Variants in MCM5 observed in about 807,000 individuals in gnomAD.
The protein encoded by MCM5 is minichromosome maintenance complex component 5.
A neutral mutation model predicts 79.9 loss-of-function variants in MCM5; 46 were observed. The observed-to-expected ratio is 0.58, with a 90% CI of 0.45 to 0.74. The LOEUF (loss-of-function observed/expected upper bound fraction) is 0.74, where lower values mean the gene tolerates loss of function less well. Ranked by LOEUF, MCM5 falls within the 30% of genes least tolerant of loss-of-function variation. The pLI, the probability that MCM5 is intolerant of heterozygous loss-of-function variation, is 0.00. For missense variants in MCM5, 883 were observed against 1,017.0 expected, an observed-to-expected ratio of 0.87 and a Z score of 1.79; for synonymous variants, 404 against 390.5, an observed-to-expected ratio of 1.03 and a Z score of -0.41.
intron 4 of MCM5, among the ~76,000 whole-genome samples, chr22:35,405,048 G>T (rs1379406223): frequency 7.2e-6 from 1 of 138,858 alleles, no homozygotes; most frequent in Non-Finnish European, 1.5e-5. Flanking sequence ...TTTTGAGATG[G>T]AGTTTTTGCT....
In MCM5 at chr22:35,400,617, G is replaced by C. The variant is rs760331121; in HGVS notation, c.167+12G>C. On this transcript the variant is annotated intron_variant, in intron 2 of 16. Coordinates refer to ENST00000216122, the MANE Select transcript of MCM5 (RefSeq NM_006739.4). ...ACCTTCAAATACAGGTGCGGCTCCT[G>C]CGGGGCCGGGGGCTCGAGTTCCAGT... 4 of 1,589,762 alleles carry C rather than the reference G, an allele frequency of 2.5e-6. No homozygotes were observed. Among genetic ancestry groups the C allele is most frequent in the Non-Finnish European group, 3.4e-6 (4 of 1,166,988 alleles).
chr22:35,425,325 C>G lies in MCM5; in HGVS notation c.*1070C>G, dbSNP rs1355229190. Reference sequence around the variant, plus strand: ...TCAAGCAAAACGTGAATTTGGAAATCTATGGAACATTAGATAAGGTATTTA... The same window carrying G: ...TCAAGCAAAACGTGAATTTGGAAATGTATGGAACATTAGATAAGGTATTTA... On this transcript the variant is annotated 3_prime_UTR_variant, in exon 17 of 17. Transcript: ENST00000216122. The G allele has an allele frequency of 6.6e-6, 1 of 152,180 alleles. No homozygotes were observed. The highest frequency in any genetic ancestry group is 2.4e-5 in the African/African-American group (1 of 41,432). The allele number at this position is 152,180 out of a possible 1,614,324, so 9.4% of individuals were successfully genotyped here.
intron 5 of MCM5, among the ~76,000 whole-genome samples, chr22:35,408,135 C>G (rs1465463260): frequency 6.6e-6 from 1 of 152,118 alleles, no homozygotes; most frequent in Admixed American, 6.6e-5. Context: ...GCAAGAAGAC[C>G]GAGTGTGACC....
chr22:35,419,857 C>T (rs1331223311), intron 13 of MCM5, 27 bp from the exon 14 acceptor site: 1 of 1,588,976 alleles, frequency 6.3e-7, no homozygotes, highest in East Asian at 2.3e-5. Flanking sequence ...CCTGGCCTCA[C>T]ACCAGCCTCT....
chr22:35,430,829 G>A, the MCM5 span, among the ~76,000 whole-genome samples: 2 of 141,610 alleles, frequency 1.4e-5, no homozygotes, highest in Admixed American at 7.2e-5. Context: ...TTTTTCAGTC[G>A]TATTTCCATG....
chr22:35,412,025 G>GC (rs1932397315), intron 7 of MCM5, among the ~76,000 whole-genome samples: 1 of 151,960 alleles, frequency 6.6e-6, no homozygotes, highest in Admixed American at 6.6e-5. Context: ...AGGAACTCTG[G>GC]CCAGCTCCAC....
rs1601763357 is a variant in MCM5, at chr22:35,421,472, C to A, written c.1975+12C>A. On this transcript the variant is annotated intron_variant, in intron 15 of 16. Coordinates refer to ENST00000216122, the MANE Select transcript of MCM5 (RefSeq NM_006739.4). The stretch of plus-strand genomic sequence containing the variant: ...CGGTACCCTGTCAGGTGAGCAGATG[C>A]AGGGGCCATGGTCTCAATTGATCTG... 31 of 1,613,976 alleles carry A rather than the reference C, an allele frequency of 1.9e-5. No individual in the cohort carries two copies. The East Asian group carries it at 6.9e-4, about 36-fold the overall frequency.
rs750050294 is a variant in MCM5 at position 35,416,629 on chromosome 22, G to C, written c.1414-9G>C. ...CTCCTCCCCCTTTTCGTCGTCTGTCGCCTGTTAGGCTGGGATCACCACCAC... is the reference window on the plus strand; with the variant it reads ...CTCCTCCCCCTTTTCGTCGTCTGTCCCCTGTTAGGCTGGGATCACCACCAC... On this transcript the variant is annotated splice_polypyrimidine_tract_variant and intron_variant, in intron 11 of 16. Coordinates refer to ENST00000216122, the MANE Select transcript of MCM5 (RefSeq NM_006739.4). The C allele has an allele frequency of 6.2e-7, 1 of 1,608,154 alleles. No individual in the cohort carries two copies. Among genetic ancestry groups the C allele is most frequent in the Non-Finnish European group, 8.5e-7 (1 of 1,176,224 alleles).
At chr22:35,430,907 C>T in the MCM5 span, among the ~76,000 whole-genome samples, 1 of 150,450 alleles carries the variant, frequency 6.6e-6, no homozygotes, top group Admixed American at 6.6e-5. Context: ...AAAAAAATAA[C>T]CCTGAATAAT....
rs1601758338 is a variant in MCM5, at chr22:35,413,887, A to T, written c.1104A>T (p.Gly368=). 8.1e-6 allele frequency: 13 copies of T among 1,610,034 alleles called. No homozygotes were observed. Among genetic ancestry groups the T allele is most frequent in the Non-Finnish European group, 1.1e-5 (13 of 1,176,344 alleles). The change falls in exon 9 of 17, where the codon GGA becomes GGT. Residue 368 remains glycine, a synonymous_variant. Coordinates refer to ENST00000216122, the MANE Select transcript of MCM5 (RefSeq NM_006739.4). ...CTTCGTCCCCCAGGCTCCCTGATGG[A>T]CTTACTCGCCGAGGAGACATCAACC... ...FGGSRKRLPD[G]LTRRGDINLL...
intron 4 of MCM5, among the ~76,000 whole-genome samples, chr22:35,405,206 T>G (rs1932176278): frequency 6.6e-6 from 1 of 151,846 alleles, no homozygotes; most frequent in Non-Finnish European, 1.5e-5. Context: ...TTAGTAGAGA[T>G]GGGGTTTCAC....
the MCM5 span, among the ~76,000 whole-genome samples, chr22:35,434,712 G>A: frequency 1.3e-5 from 2 of 152,210 alleles, no homozygotes; most frequent in Admixed American, 6.5e-5. Flanking sequence ...ATGAAACACT[G>A]AGGACAGGAG....
chr22:35,416,278 C>G, intron 10 of MCM5, 61 bp from the exon 11 acceptor site: 1 of 1,519,284 alleles, frequency 6.6e-7, no homozygotes. Context: ...TTTCCTGTTT[C>G]TACTGCTCCC....
In MCM5 at chr22:35,424,755, G is replaced by A. The variant is rs4645828; in HGVS notation, c.*500G>A. 0.07 allele frequency: 10,611 copies of A among 152,628 alleles called. 1,295 individuals are homozygous for A. Among genetic ancestry groups the A allele is most frequent in the African/African-American group, 0.24 (10,131 of 41,544 alleles). The allele number at this position is 152,628 out of a possible 1,614,324, so 9.5% of individuals were successfully genotyped here. A position where few individuals can be genotyped will look rare whatever the true frequency, so the allele number is the denominator to read the frequency against. ...TGGGGAAGCGCTTCTCAAAGTGTGT[G>A]ATTTTGATCCGCCTCACCTGTTCCC... On this transcript the variant is annotated 3_prime_UTR_variant, in exon 17 of 17. Coordinates refer to ENST00000216122, the MANE Select transcript of MCM5 (RefSeq NM_006739.4).
At chr22:35,436,873 A>C in the MCM5 span, among the ~76,000 whole-genome samples, 1 of 150,310 alleles carries the variant, frequency 6.7e-6, no homozygotes, top group Non-Finnish European at 1.5e-5. Context: ...GTGGGCCTAG[A>C]AACCCAAGCT....
the MCM5 span, among the ~76,000 whole-genome samples, chr22:35,454,547 G>A: frequency 6.6e-6 from 1 of 152,118 alleles, no homozygotes; most frequent in African/African-American, 2.4e-5. Context: ...TGCAGAAGGT[G>A]GACACAGTCA....
At chr22:35,438,184 C>A in the MCM5 span, among the ~76,000 whole-genome samples, 2 of 152,112 alleles carry the variant, frequency 1.3e-5, no homozygotes, top group Admixed American at 1.3e-4. Context: ...GCTTGTCTGA[C>A]TTCCATCCAT....
At chr22:35,427,426 A>T (rs76515753), downstream of MCM5, among the ~76,000 whole-genome samples, 345 of 151,928 alleles carry the variant, frequency 2.3e-3, 2 homozygotes, top group African/African-American at 8.0e-3. Flanking sequence ...AGAAGGTTTT[A>T]TGTTTTTGGG....
Position 35,423,208 on chromosome 22 carries a change from C to A in MCM5, c.1976-6C>A. ...CCCCGGCTGCCTCACTTCTCCATGC[C>A]CACAGGGGTGGAGGGCTTCACCAGC... On this transcript the variant is annotated splice_polypyrimidine_tract_variant and splice_region_variant and intron_variant, in intron 15 of 16. Coordinates refer to ENST00000216122, the MANE Select transcript of MCM5 (RefSeq NM_006739.4). The A allele has an allele frequency of 6.4e-7, 1 of 1,567,726 alleles. No homozygotes were observed.
Sources: gnomAD v4.1 joint callset for allele counts (sites outside exome capture counted in the v4.1 genomes callset) on GRCh38, gnomAD v4.1.1 for gene constraint, MANE v1.5 for transcripts, NCBI Gene and HGNC (gene_info 2026-07-23, HGNC 2026-07-21) for gene names.